The following RYR2 variants were observed in gnomAD, a reference collection of about 807,000 sequenced individuals.
RYR2 encodes cardiac muscle ryanodine receptor-calcium release channel.
A neutral mutation model predicts 601.1 loss-of-function variants in RYR2; 227 were observed. That is an observed-to-expected ratio of 0.38 (90% CI 0.34 to 0.42). RYR2 has a LOEUF of 0.42. Among genes scored for constraint, RYR2 ranks in the 10% least tolerant of loss-of-function variants. RYR2 has a pLI of 1.00. For missense variants in RYR2, 4,646 were observed against 6,156.5 expected, an observed-to-expected ratio of 0.75 and a Z score of 8.21; for synonymous variants, 2,223 against 2,175.1, an observed-to-expected ratio of 1.02 and a Z score of -0.61.
intron 63 of RYR2, among the ~76,000 whole-genome samples, chr1:237,696,163 A>C (rs1205985130): frequency 1.3e-5 from 2 of 152,234 alleles, no homozygotes; most frequent in Admixed American, 6.5e-5. Flanking sequence ...GGAAAAGGGC[A>C]CAGGAAAACT....
intron 10 of RYR2, among the ~76,000 whole-genome samples, chr1:237,403,571 G>A (rs970968527): frequency 8.5e-5 from 13 of 152,072 alleles, no homozygotes; most frequent in East Asian, 1.9e-4. Context: ...GACTATATGC[G>A]TGTGCCACCA....
At chr1:237,305,529 T>C (rs1693782358) in intron 2 of RYR2, among the ~76,000 whole-genome samples, 1 of 152,180 alleles carries the variant, frequency 6.6e-6, no homozygotes, top group Non-Finnish European at 1.5e-5. Flanking sequence ...CCTCCCAGGC[T>C]CAAGCGATCC....
At chr1:237,541,557 G>A (rs1669260318) in intron 25 of RYR2, among the ~76,000 whole-genome samples, 1 of 152,024 alleles carries the variant, frequency 6.6e-6, no homozygotes, top group African/African-American at 2.4e-5. Context: ...TTTCGTACTT[G>A]ATTCCTCATT....
At chr1:237,734,796 C>T (rs1052843286) in intron 79 of RYR2, among the ~76,000 whole-genome samples, 1 of 152,136 alleles carries the variant, frequency 6.6e-6, no homozygotes, top group Non-Finnish European at 1.5e-5. Context: ...TTAAAGATGC[C>T]TGTGAGACAT....
intron 55 of RYR2, 126 bp downstream of exon 55, chr1:237,660,200 T>C: frequency 2.1e-6 from 1 of 481,312 alleles, no homozygotes; most frequent in Non-Finnish European, 3.3e-6. Context: ...CTTCCAAAGG[T>C]CCCGTTTAAA....
intron 1 of RYR2, among the ~76,000 whole-genome samples, chr1:237,219,298 A>T (rs546042826): frequency 6.6e-6 from 1 of 152,134 alleles, no homozygotes; most frequent in African/African-American, 2.4e-5. Context: ...GATTACAGGC[A>T]TGAGCCACTG....
In RYR2 at chr1:237,273,089, T is replaced by C. The variant is rs149212111; in HGVS notation, c.168+2473T>C. Among the ~76,000 whole-genome samples, 4 of 152,224 alleles carry C rather than the reference T, an allele frequency of 2.6e-5. No homozygotes were observed. The East Asian group carries it at 7.7e-4, about 29-fold the overall frequency. On this transcript the variant is annotated intron_variant, in intron 2 of 104. Coordinates refer to ENST00000366574, the MANE Select transcript of RYR2 (RefSeq NM_001035.3). ...CTTTATTTCTATTATTATTACATTG[T>C]AATATATAATAAATTCTAGAACTCA...
At chr1:237,161,432 A>G (rs1676003078) in intron 1 of RYR2, among the ~76,000 whole-genome samples, 1 of 152,182 alleles carries the variant, frequency 6.6e-6, no homozygotes, top group South Asian at 2.1e-4. Context: ...CTTTATAGTT[A>G]TATCAACTAG....
chr1:237,499,081 A>G (rs1664369204), intron 20 of RYR2, among the ~76,000 whole-genome samples: 1 of 152,086 alleles, frequency 6.6e-6, no homozygotes, highest in South Asian at 2.1e-4. Context: ...TTTCTTCTTA[A>G]TGGTTGATGT....
chr1:237,284,012 A>C lies in RYR2; in HGVS notation c.168+13396A>C, dbSNP rs537176907. Among the ~76,000 whole-genome samples, 6 of 152,266 alleles carry C rather than the reference A, an allele frequency of 3.9e-5. No homozygotes were observed. The East Asian group carries it at 9.7e-4, about 25-fold the overall frequency. On this transcript the variant is annotated intron_variant, in intron 2 of 104. Transcript: ENST00000366574. The stretch of plus-strand genomic sequence containing the variant: ...ATCATTCTTATGCCTTTGCATCCTC[A>C]TAGCTTAGCTCCCACATATCAGTGA...
chr1:237,337,474 T>C (rs1697354248), intron 3 of RYR2, among the ~76,000 whole-genome samples: 1 of 152,220 alleles, frequency 6.6e-6, no homozygotes, highest in Non-Finnish European at 1.5e-5. Context: ...TATCTCATAG[T>C]GGTTAAAGCT....
At chr1:237,577,333 G>A (rs547960665) in intron 29 of RYR2, among the ~76,000 whole-genome samples, 1 of 152,156 alleles carries the variant, frequency 6.6e-6, no homozygotes, top group Non-Finnish European at 1.5e-5. Context: ...TTGATTGATG[G>A]CCTACTCTTG....
chr1:237,759,039 T>C (rs1425990427), intron 82 of RYR2, among the ~76,000 whole-genome samples: 2 of 152,212 alleles, frequency 1.3e-5, no homozygotes, highest in Non-Finnish European at 2.9e-5. Flanking sequence ...TTTCCGTCTA[T>C]AGCATTAGCA....
chr1:237,415,111 C>T (rs1572217872), intron 10 of RYR2, among the ~76,000 whole-genome samples: 2 of 152,280 alleles, frequency 1.3e-5, no homozygotes, highest in East Asian at 3.9e-4. Flanking sequence ...AAGAGAATCA[C>T]GCAGCCCCAA....
chr1:237,400,111 A>G (rs1371241138), intron 10 of RYR2, among the ~76,000 whole-genome samples: 1 of 152,186 alleles, frequency 6.6e-6, no homozygotes, highest in Non-Finnish European at 1.5e-5. Context: ...GGGAGATTGT[A>G]TCAAAATCAA....
At chr1:237,102,285 G>A (rs948554570) in intron 1 of RYR2, among the ~76,000 whole-genome samples, 2 of 152,170 alleles carry the variant, frequency 1.3e-5, no homozygotes, top group East Asian at 1.9e-4. Flanking sequence ...GTTTACAGGC[G>A]AGGTGCTGGT....
intron 1 of RYR2, among the ~76,000 whole-genome samples, chr1:237,160,377 T>C (rs1208492024): frequency 1.3e-5 from 2 of 152,222 alleles, no homozygotes; most frequent in African/African-American, 2.4e-5. Flanking sequence ...TCTTTAGTAT[T>C]GCTTCTAAAT....
At chr1:237,645,862 T>G (rs1024429185) in intron 48 of RYR2, among the ~76,000 whole-genome samples, 1 of 151,270 alleles carries the variant, frequency 6.6e-6, no homozygotes, top group Admixed American at 6.6e-5. Context: ...ATTTGTTAGA[T>G]CTCTGCTTTT....
chr1:237,799,447 T>C (rs1018478024), intron 97 of RYR2, among the ~76,000 whole-genome samples: 1 of 152,218 alleles, frequency 6.6e-6, no homozygotes, highest in Non-Finnish European at 1.5e-5. Context: ...GTTTAGACTG[T>C]TTTTCTACTA....
Sources: gnomAD v4.1 joint callset for allele counts (sites outside exome capture counted in the v4.1 genomes callset) on GRCh38, gnomAD v4.1.1 for gene constraint, MANE v1.5 for transcripts, NCBI Gene and HGNC (gene_info 2026-07-23, HGNC 2026-07-21) for gene names.